IGSF21: variants seen among roughly 807,000 people sequenced by gnomAD.
The protein encoded by IGSF21 is immunoglobulin superfamily member 21.
In IGSF21, 28 loss-of-function variants were observed where a neutral mutation model predicts 46.8. The observed-to-expected ratio is 0.60, with a 90% confidence interval of 0.44 to 0.82. The LOEUF (loss-of-function observed/expected upper bound fraction) is 0.82, where lower values mean the gene tolerates loss of function less well. Ranked by LOEUF, IGSF21 falls within the 40% of genes least tolerant of loss-of-function variation. The probability of loss-of-function intolerance (pLI) is 0.00; values close to 1 mark genes in which losing one functional copy is unlikely to be tolerated. For synonymous variants in IGSF21, 284 were observed against 273.6 expected (o/e 1.04, Z -0.38); for missense variants, 624 against 665.5 (o/e 0.94, Z 0.69).
At chr1:18,269,047 C>T (rs932090101) in intron 2 of IGSF21, among the ~76,000 whole-genome samples, 2 of 152,224 alleles carry the variant, frequency 1.3e-5, no homozygotes, top group African/African-American at 2.4e-5. Flanking sequence ...GTCCAAACCT[C>T]TTAATCCAGG....
At chr1:18,236,621 G>T (rs1569596111) in intron 2 of IGSF21, among the ~76,000 whole-genome samples, 2 of 152,254 alleles carry the variant, frequency 1.3e-5, no homozygotes, top group South Asian at 2.1e-4. Context: ...GAGAATGGAT[G>T]GTACCCAGTG....
intron 2 of IGSF21, among the ~76,000 whole-genome samples, chr1:18,273,184 G>A (rs1390927400): frequency 6.6e-6 from 1 of 151,478 alleles, no homozygotes; most frequent in East Asian, 1.9e-4. Flanking sequence ...GGGATTACAG[G>A]CACATGTCAC....
At chr1:18,267,184 T>C (rs1166294713) in intron 2 of IGSF21, among the ~76,000 whole-genome samples, 1 of 152,182 alleles carries the variant, frequency 6.6e-6, no homozygotes, top group African/African-American at 2.4e-5. Context: ...AGGACACTGA[T>C]ATAAGCAGAA....
chr1:18,193,485 T>C (rs1241781303), intron 1 of IGSF21, among the ~76,000 whole-genome samples: 1 of 151,878 alleles, frequency 6.6e-6, no homozygotes, highest in Admixed American at 6.6e-5. Context: ...GAGCCAGGAG[T>C]GCCAGTCTGA....
chr1:18,175,972 G>C (rs2086791719), intron 1 of IGSF21, among the ~76,000 whole-genome samples: 1 of 152,204 alleles, frequency 6.6e-6, no homozygotes, highest in South Asian at 2.1e-4. Flanking sequence ...TAGGATGCTG[G>C]CTCTCTGCCA....
At chr1:18,277,845 A>G (rs2085117855) in intron 2 of IGSF21, among the ~76,000 whole-genome samples, 1 of 152,224 alleles carries the variant, frequency 6.6e-6, no homozygotes. Context: ...ACAGATTAGA[A>G]TAACGATCAT....
chr1:18,119,311 A>G (rs548393320), intron 1 of IGSF21, among the ~76,000 whole-genome samples: 14 of 152,350 alleles, frequency 9.2e-5, no homozygotes, highest in African/African-American at 3.1e-4. Context: ...CGCTGTTTCA[A>G]TAAGTGGCCA....
At chr1:18,216,310 T>C (rs1473751361) in intron 1 of IGSF21, among the ~76,000 whole-genome samples, 3 of 152,052 alleles carry the variant, frequency 2.0e-5, no homozygotes, top group Non-Finnish European at 4.4e-5. Flanking sequence ...GTGAGACTGA[T>C]TGAGTTGGAG....
intron 1 of IGSF21, among the ~76,000 whole-genome samples, chr1:18,201,078 G>C (rs2087069090): frequency 6.6e-6 from 1 of 152,224 alleles, no homozygotes; most frequent in Admixed American, 6.5e-5. Flanking sequence ...AGGCTCTCGA[G>C]AGACCCACTG....
intron 1 of IGSF21, among the ~76,000 whole-genome samples, chr1:18,158,796 C>T (rs964558259): frequency 6.6e-6 from 1 of 152,182 alleles, no homozygotes; most frequent in African/African-American, 2.4e-5. Context: ...GGGTGATAGG[C>T]ATTGAGAAAT....
rs187969670 is a variant in IGSF21, at chr1:18,322,708, C to T, written c.306-12184C>T. ...AAACACTCTGAACCCTGGGCCCTCCCGCCCCTGCCCACCCCTGAACCCAGA... is the reference window on the plus strand; with the variant it reads ...AAACACTCTGAACCCTGGGCCCTCCTGCCCCTGCCCACCCCTGAACCCAGA... On this transcript the variant is annotated intron_variant, in intron 3 of 9. Coordinates refer to ENST00000251296, the MANE Select transcript of IGSF21 (RefSeq NM_032880.5). The surrounding 1 kb of genome is among the most constrained non-coding windows in gnomAD (Gnocchi z 4.3). Among the ~76,000 whole-genome samples, 219 of 152,168 alleles carry T rather than the reference C, an allele frequency of 1.4e-3. 2 individuals are homozygous for T. The South Asian group carries it at 0.017, about 12-fold the overall frequency.
chr1:18,138,193 G>A (rs750275300), intron 1 of IGSF21, among the ~76,000 whole-genome samples: 14 of 152,168 alleles, frequency 9.2e-5, no homozygotes, highest in Non-Finnish European at 2.1e-4. Flanking sequence ...GGAGCCCCAA[G>A]CATGGGCTAC....
In IGSF21 at chr1:18,365,170, G is replaced by A. The variant is rs2086147304; in HGVS notation, c.541-53G>A. 3 of 1,406,512 alleles carry A rather than the reference G, an allele frequency of 2.1e-6. No individual in the cohort carries two copies. In the African/African-American group the frequency reaches 4.3e-5, roughly 20 times the overall value. 87.1% of individuals were successfully genotyped at this position (1,406,512 alleles called of 1,614,324 possible). ...CAGTTCATCGGAGAACCCACTGGGA[G>A]GTTGAAGTTAGTAGCACAAAATCAT... On this transcript the variant is annotated intron_variant, in intron 5 of 9. Transcript: ENST00000251296. The surrounding 1 kb of genome is among the most constrained non-coding windows in gnomAD (Gnocchi z 4.8).
intron 6 of IGSF21, among the ~76,000 whole-genome samples, chr1:18,366,143 CAT>C (rs1203254274): frequency 6.6e-6 from 1 of 152,008 alleles, no homozygotes; most frequent in Non-Finnish European, 1.5e-5. Context: ...GGGTCAGCAA[CAT>C]GAGAGGTCAG....
intron 2 of IGSF21, among the ~76,000 whole-genome samples, chr1:18,279,175 CCTT>C (rs1190214590): frequency 1.3e-5 from 2 of 152,192 alleles, no homozygotes. Flanking sequence ...TTACATGTGA[CCTT>C]CTGAGGCTGC....
intron 4 of IGSF21, among the ~76,000 whole-genome samples, chr1:18,357,233 G>A (rs1170582393): frequency 6.7e-6 from 1 of 149,332 alleles, no homozygotes; most frequent in Non-Finnish European, 1.5e-5. Flanking sequence ...TATGGGTTTG[G>A]AGATGAAGAT....
rs186271421 is a variant in IGSF21, at chr1:18,314,152, C to T, written c.306-20740C>T. ...GCCTTGGCCAAGTTTCTCAGCTCAC[C>T]GTGTCCCTAATAAGGCATAACTCAC... On this transcript the variant is annotated intron_variant, in intron 3 of 9. Transcript: ENST00000251296. 1.1e-4 allele frequency among the ~76,000 whole-genome samples: 16 copies of T among 152,330 alleles called. No homozygotes were observed. The East Asian group carries it at 1.9e-3, about 18-fold the overall frequency.
rs200305863 is a variant in IGSF21, at chr1:18,365,560, C to G, written c.878C>G (p.Pro293Arg). 2 of 1,614,178 alleles carry G rather than the reference C, an allele frequency of 1.2e-6. No individual in the cohort carries two copies. The highest frequency in any genetic ancestry group is 2.2e-5 in the East Asian group (1 of 44,874). Residue 293 changes from proline (P) to arginine (R), a missense_variant, in exon 6 of 10, where the codon CCG becomes CGG. Physicochemically the swap from Pro to Arg is moderately radical, Grantham distance 103. Coordinates refer to ENST00000251296, the MANE Select transcript of IGSF21 (RefSeq NM_032880.5). The surrounding 1 kb of genome is among the most constrained non-coding windows in gnomAD (Gnocchi z 4.8). ...TACTTCCTGCGCCACAGCCGCACCCCGAGCAGTGACGGCACTGTGGAAGTA... is the reference window on the plus strand; with the variant it reads ...TACTTCCTGCGCCACAGCCGCACCCGGAGCAGTGACGGCACTGTGGAAGTA... The part of the protein sequence containing the change: ...PTYFLRHSRT[P>R]SSDGTVEVRA...
In IGSF21 at chr1:18,227,932, T is replaced by G. The variant is rs775484977; in HGVS notation, c.105T>G (p.Pro35=). 1 of 1,613,978 alleles carries G rather than the reference T, an allele frequency of 6.2e-7. No homozygotes were observed. Among genetic ancestry groups the G allele is most frequent in the Non-Finnish European group, 8.5e-7 (1 of 1,179,912 alleles). ...CAGTCAACATTGAGCCTCTCCCCCC[T>G]GTGGTGGCTGGAGACGCCGTGACTT... ...YLTVNIEPLP[P]VVAGDAVTLK... Residue 35 remains proline, a synonymous_variant, in exon 2 of 10, where the codon CCT becomes CCG. Transcript: ENST00000251296.
Sources: gnomAD v4.1 joint callset for allele counts (sites outside exome capture counted in the v4.1 genomes callset) on GRCh38, gnomAD v4.1.1 for gene constraint, Gnocchi (gnomAD v3.1) non-coding constraint, MANE v1.5 for transcripts, NCBI Gene and HGNC (gene_info 2026-07-23, HGNC 2026-07-21) for gene names.